AGPAT4: variants seen among roughly 807,000 people sequenced by gnomAD.
AGPAT4 encodes the protein 1-acylglycerol-3-phosphate O-acyltransferase 4.
A neutral mutation model predicts 48.0 loss-of-function variants in AGPAT4; 15 were observed. The ratio of observed to expected loss-of-function variants is 0.31; its 90% confidence interval spans 0.21 to 0.48. The LOEUF (loss-of-function observed/expected upper bound fraction) is 0.48. AGPAT4 is among the 20% of genes least tolerant of loss of function. The probability of loss-of-function intolerance (pLI) is 0.99; values close to 1 mark genes in which losing one functional copy is unlikely to be tolerated. For missense variants in AGPAT4, 314 were observed against 482.5 expected (o/e 0.65, Z 3.27); for synonymous variants, 178 against 198.7 (o/e 0.90, Z 0.88).
rs947084166 is a variant in AGPAT4 at position 161,149,952 on chromosome 6, T to G, written c.665-663A>C. Reference sequence around the variant, plus strand: ...CATTTCAGTCAAGAAACACCGAAATTTGAACAAGTGTGGATGATAAGAAAA... The same window carrying G: ...CATTTCAGTCAAGAAACACCGAAATGTGAACAAGTGTGGATGATAAGAAAA... On this transcript the variant is annotated intron_variant, in intron 5 of 8. Coordinates refer to ENST00000320285, the MANE Select transcript of AGPAT4 (RefSeq NM_020133.3). This position sits in a 1 kb window ranked among gnomAD's most constrained non-coding sequence, Gnocchi z 6.5. Among the ~76,000 whole-genome samples, 1 of 152,130 alleles carries G rather than the reference T, an allele frequency of 6.6e-6. No individual in the cohort carries two copies. Among genetic ancestry groups the G allele is most frequent in the African/African-American group, 2.4e-5 (1 of 41,418 alleles).
At position 161,142,602 on chromosome 6, in the gene AGPAT4, A is replaced by G. The variant is rs1224695675; in HGVS notation, c.844-2982T>C. ...GAGGAAGCGTGCGAAGGAGACGTCC[A>G]CACAGCACGTCCGCTCAGCTTTCCC... On this transcript the variant is annotated intron_variant, in intron 7 of 8. Coordinates refer to ENST00000320285, the MANE Select transcript of AGPAT4 (RefSeq NM_020133.3). The surrounding 1 kb of genome is among the most constrained non-coding windows in gnomAD (Gnocchi z 6.4). 1.3e-5 allele frequency among the ~76,000 whole-genome samples: 2 copies of G among 152,194 alleles called. No homozygotes were observed. The highest frequency in any genetic ancestry group is 2.9e-5 in the Non-Finnish European group (2 of 68,036).
chr6:161,201,589 C>T lies in AGPAT4; in HGVS notation c.178+30447G>A, dbSNP rs375050675. Among the ~76,000 whole-genome samples, 1 of 152,224 alleles carries T rather than the reference C, an allele frequency of 6.6e-6. No homozygotes were observed. The highest frequency in any genetic ancestry group is 2.4e-5 in the African/African-American group (1 of 41,468). ...GCCTCTGTCTTCTTCAGCAGGGCTT[C>T]TCAAACTCTAATGTGCATTTGCATC... On this transcript the variant is annotated intron_variant, in intron 2 of 8. Coordinates refer to ENST00000320285, the MANE Select transcript of AGPAT4 (RefSeq NM_020133.3). The surrounding 1 kb of genome is among the most constrained non-coding windows in gnomAD (Gnocchi z 6.0).
At position 161,208,043 on chromosome 6, in the gene AGPAT4, T is replaced by C. The variant is rs756463521; in HGVS notation, c.178+23993A>G. On this transcript the variant is annotated intron_variant, in intron 2 of 8. Transcript: ENST00000320285. This position sits in a 1 kb window ranked among gnomAD's most constrained non-coding sequence, Gnocchi z 4.6. Reference sequence around the variant, plus strand: ...CAATGAGAGCTGAGAGAGATGGTAATAACCCTTTCCTAGGCTTCATTATTA... The same window carrying C: ...CAATGAGAGCTGAGAGAGATGGTAACAACCCTTTCCTAGGCTTCATTATTA... 1.3e-5 allele frequency among the ~76,000 whole-genome samples: 2 copies of C among 152,178 alleles called. No homozygotes were observed. The highest frequency in any genetic ancestry group is 2.4e-5 in the African/African-American group (1 of 41,446).
At position 161,219,827 on chromosome 6, in the gene AGPAT4, A is replaced by ATAGATAGATATAGATAGATAGATAGG. The variant is rs1479303134; in HGVS notation, c.178+12208_178+12209insCCTATCTATCTATCTATATCTATCTA. Among the ~76,000 whole-genome samples, 43 of 83,764 alleles carry ATAGATAGATATAGATAGATAGATAGG rather than the reference A, an allele frequency of 5.1e-4. No homozygotes were observed. The highest frequency in any genetic ancestry group is 2.1e-3 in the African/African-American group (39 of 18,320). The allele number at this position is 83,764 out of a possible 152,430, so 55.0% of individuals were successfully genotyped here. A position where few individuals can be genotyped will look rare whatever the true frequency, so the allele number is the denominator to read the frequency against. On this transcript the variant is annotated intron_variant, in intron 2 of 8. Coordinates refer to ENST00000320285, the MANE Select transcript of AGPAT4 (RefSeq NM_020133.3). This position sits in a 1 kb window ranked among gnomAD's most constrained non-coding sequence, Gnocchi z 4.9. Reference sequence around the variant, plus strand: ...TTCACAGTAAAAAAGATAGACAGAGATAGATAGATAGATAGATAGATAGAT... The same window carrying ATAGATAGATATAGATAGATAGATAGG: ...TTCACAGTAAAAAAGATAGACAGAGATAGATAGATATAGATAGATAGATAGGTAGATAGATAGATAGATAGATAGAT...
At position 161,231,948 on chromosome 6, in the gene AGPAT4, G is replaced by A. The variant is rs773438200; in HGVS notation, c.178+88C>T. ...ACAAAAAAACAGCTCGGCACACAACGAAAGCCTAGTGAATCCATATCAAGA... is the reference window on the plus strand; with the variant it reads ...ACAAAAAAACAGCTCGGCACACAACAAAAGCCTAGTGAATCCATATCAAGA... On this transcript the variant is annotated intron_variant, in intron 2 of 8. Transcript: ENST00000320285. The surrounding 1 kb of genome is among the most constrained non-coding windows in gnomAD (Gnocchi z 5.3). 20 of 1,345,786 alleles carry A rather than the reference G, an allele frequency of 1.5e-5. No homozygotes were observed. The highest frequency in any genetic ancestry group is 2.4e-5 in the East Asian group (1 of 41,954). 83.4% of individuals were successfully genotyped at this position (1,345,786 alleles called of 1,614,324 possible). A position where few individuals can be genotyped will look rare whatever the true frequency, so the allele number is the denominator to read the frequency against.
chr6:161,141,524 G>A lies in AGPAT4; in HGVS notation c.844-1904C>T, dbSNP rs2114953229. Among the ~76,000 whole-genome samples, 2 of 152,176 alleles carry A rather than the reference G, an allele frequency of 1.3e-5. No homozygotes were observed. Among genetic ancestry groups the A allele is most frequent in the Middle Eastern group, 3.4e-3 (1 of 294 alleles). ...GAACGGGGTGATTTTCTTATCCCAG[G>A]TTGGGGCCACAGGGCACCTGATAAC... On this transcript the variant is annotated intron_variant, in intron 7 of 8. Coordinates refer to ENST00000320285, the MANE Select transcript of AGPAT4 (RefSeq NM_020133.3). The surrounding 1 kb of genome is among the most constrained non-coding windows in gnomAD (Gnocchi z 6.7).
chr6:161,154,032 C>G lies in AGPAT4; in HGVS notation c.510+117G>C. The G allele has an allele frequency of 5.1e-6, 7 of 1,372,258 alleles. No individual in the cohort carries two copies. The highest frequency in any genetic ancestry group is 7.1e-6 in the Non-Finnish European group (7 of 981,980). The allele number at this position is 1,372,258 out of a possible 1,614,324, so 85.0% of individuals were successfully genotyped here. ...TTATACACAGCCCTATGGTCACACA[C>G]AGCCCTGGAGTCGCACAGGACCACA... On this transcript the variant is annotated intron_variant, in intron 4 of 8. Transcript: ENST00000320285. This position sits in a 1 kb window ranked among gnomAD's most constrained non-coding sequence, Gnocchi z 7.8.
chr6:161,242,442 C>A lies in AGPAT4; in HGVS notation c.-89-10140G>T, dbSNP rs938119531. Among the ~76,000 whole-genome samples the A allele has an allele frequency of 6.6e-6, 1 of 152,110 alleles. No individual in the cohort carries two copies. Among genetic ancestry groups the A allele is most frequent in the Non-Finnish European group, 1.5e-5 (1 of 68,030 alleles). ...CCCTTTCACAGTCAGTCCTGGGGAGCCTCAGTGGCACCTTTTCTCCAAGTA... is the reference window on the plus strand; with the variant it reads ...CCCTTTCACAGTCAGTCCTGGGGAGACTCAGTGGCACCTTTTCTCCAAGTA... On this transcript the variant is annotated intron_variant, in intron 1 of 8. Transcript: ENST00000320285. This position sits in a 1 kb window ranked among gnomAD's most constrained non-coding sequence, Gnocchi z 5.0.
chr6:161,155,010 C>T lies in AGPAT4; in HGVS notation c.349-700G>A, dbSNP rs766582820. On this transcript the variant is annotated intron_variant, in intron 3 of 8. Transcript: ENST00000320285. The surrounding 1 kb of genome is among the most constrained non-coding windows in gnomAD (Gnocchi z 5.8). ...TAAAACCCAGACCAGGAGATGTGCT[C>T]GGTGCCCTCCACACCCGCTGCCAGC... Among the ~76,000 whole-genome samples the T allele has an allele frequency of 1.3e-5, 2 of 152,158 alleles. No individual in the cohort carries two copies. The highest frequency in any genetic ancestry group is 1.3e-4 in the Admixed American group (2 of 15,276).
At chr6:161,213,350 A>C (rs1025569747) in intron 2 of AGPAT4, among the ~76,000 whole-genome samples, 5 of 152,258 alleles carry the variant, frequency 3.3e-5, no homozygotes, top group Non-Finnish European at 2.9e-5. Flanking sequence ...TTTAGTAAAA[A>C]TGGGAAACTG....
At chr6:161,167,269 C>A (rs1459741579) in intron 2 of AGPAT4, among the ~76,000 whole-genome samples, 1 of 152,166 alleles carries the variant, frequency 6.6e-6, no homozygotes, top group Non-Finnish European at 1.5e-5. Context: ...CTCTGTCACC[C>A]AGGCTAAGTG....
intron 2 of AGPAT4, among the ~76,000 whole-genome samples, chr6:161,209,041 T>C (rs1781454388): frequency 6.6e-6 from 1 of 152,126 alleles, no homozygotes. Flanking sequence ...GAAAAAAAAG[T>C]GTAAACCAAA....
intron 3 of AGPAT4, among the ~76,000 whole-genome samples, chr6:161,163,813 C>T (rs1157987321): frequency 6.6e-6 from 1 of 152,182 alleles, no homozygotes; most frequent in African/African-American, 2.4e-5. Context: ...AGCAAGGCTC[C>T]CAAACTTCCA....
rs1490583793 is a variant in AGPAT4, at chr6:161,138,257, AC to A, written c.1042+1164del. On this transcript the variant is annotated intron_variant, in intron 8 of 8. Coordinates refer to ENST00000320285, the MANE Select transcript of AGPAT4 (RefSeq NM_020133.3). This position sits in a 1 kb window ranked among gnomAD's most constrained non-coding sequence, Gnocchi z 4.8. ...TGTTGTTTTAATATTTTAATTTTTA[AC>A]ACTAAAATACATCTTAATCTTTCAA... Among the ~76,000 whole-genome samples the A allele has an allele frequency of 2.0e-5, 3 of 152,216 alleles. No individual in the cohort carries two copies. The highest frequency in any genetic ancestry group is 4.8e-5 in the African/African-American group (2 of 41,448).
chr6:161,192,577 G>A (rs1780957002), intron 2 of AGPAT4, among the ~76,000 whole-genome samples: 1 of 152,064 alleles, frequency 6.6e-6, no homozygotes, highest in South Asian at 2.1e-4. Context: ...TTTATACAGT[G>A]TTCATTTACA....
rs1420195404 is a variant in AGPAT4 at position 161,171,898 on chromosome 6, T to A, written c.179-5481A>T. Among the ~76,000 whole-genome samples the A allele has an allele frequency of 6.6e-6, 1 of 151,820 alleles. No homozygotes were observed. The highest frequency in any genetic ancestry group is 1.5e-5 in the Non-Finnish European group (1 of 68,002). On this transcript the variant is annotated intron_variant, in intron 2 of 8. Transcript: ENST00000320285. The surrounding 1 kb of genome is among the most constrained non-coding windows in gnomAD (Gnocchi z 4.4). The stretch of plus-strand genomic sequence containing the variant: ...CTGGGTGACAGAGCAAGACTCCATC[T>A]CAAAAACAAAAAACAAAAAACAAAA...
At chr6:161,153,839 C>CTGGGGT (rs2114966538) in intron 4 of AGPAT4, among the ~76,000 whole-genome samples, 1 of 139,982 alleles carries the variant, frequency 7.1e-6, no homozygotes, top group African/African-American at 3.1e-5. Context: ...ACACATAGCC[C>CTGGGGT]CAGGGTCACA....
Position 161,242,676 on chromosome 6 carries a change from T to G in AGPAT4, c.-89-10374A>C. On this transcript the variant is annotated intron_variant, in intron 1 of 8. Transcript: ENST00000320285. The surrounding 1 kb of genome is among the most constrained non-coding windows in gnomAD (Gnocchi z 5.0). ...TCTGTGAAGTCTCCAAAAAATTTTA[T>G]CAACTCCTGATGAAAAATCCAATAT... is the stretch of plus-strand genomic sequence containing the variant. 6.6e-6 allele frequency among the ~76,000 whole-genome samples: 1 copy of G among 152,190 alleles called. No individual in the cohort carries two copies. The highest frequency in any genetic ancestry group is 1.9e-4 in the East Asian group (1 of 5,194).
chr6:161,215,797 A>T lies in AGPAT4; in HGVS notation c.178+16239T>A, dbSNP rs1314657854. 6.6e-6 allele frequency among the ~76,000 whole-genome samples: 1 copy of T among 152,136 alleles called. No individual in the cohort carries two copies. Among genetic ancestry groups the T allele is most frequent in the East Asian group, 1.9e-4 (1 of 5,196 alleles). On this transcript the variant is annotated intron_variant, in intron 2 of 8. Transcript: ENST00000320285. This position sits in a 1 kb window ranked among gnomAD's most constrained non-coding sequence, Gnocchi z 4.5. ...TAAAAGTCCTACCAGCCACCAACCC[A>T]TTGTAATTTCTCCTTTTTAGGTAGA...
Sources: allele counts gnomAD v4.1 joint callset (sites outside exome capture counted in the v4.1 genomes callset), GRCh38; gene constraint gnomAD v4.1.1; non-coding constraint Gnocchi (gnomAD v3.1); transcripts MANE v1.5; gene names NCBI Gene and HGNC (gene_info 2026-07-23, HGNC 2026-07-21).